Variants in DLG2 observed in about 807,000 individuals in gnomAD.
The protein encoded by DLG2 is disks large homolog 2.
In DLG2, 45 loss-of-function variants were observed where a neutral mutation model predicts 132.5. The observed-to-expected ratio is 0.34, with a 90% CI of 0.27 to 0.44. DLG2 has a LOEUF of 0.44. Among genes scored for constraint, DLG2 ranks in the 20% least tolerant of loss-of-function variants. The pLI is 1.00. For synonymous variants in DLG2, 424 were observed against 419.6 expected, an observed-to-expected ratio of 1.01 and a Z score of -0.13; for missense variants, 1,045 against 1,196.9, an observed-to-expected ratio of 0.87 and a Z score of 1.87.
intron 7 of DLG2, among the ~76,000 whole-genome samples, chr11:84,350,762 C>A (rs925600486): frequency 6.6e-6 from 1 of 152,064 alleles, no homozygotes; most frequent in Non-Finnish European, 1.5e-5. Flanking sequence ...TCTATTATTC[C>A]TTTTCACTTT....
chr11:84,559,134 G>A (rs545276317), intron 6 of DLG2, among the ~76,000 whole-genome samples: 6 of 152,206 alleles, frequency 3.9e-5, no homozygotes, highest in African/African-American at 1.4e-4. Context: ...TTGTATGAAG[G>A]CAAATATTTA....
At chr11:85,206,335 A>G (rs1324893846) in intron 4 of DLG2, among the ~76,000 whole-genome samples, 2 of 152,188 alleles carry the variant, frequency 1.3e-5, no homozygotes, top group East Asian at 1.9e-4. Context: ...AAATGCAAGA[A>G]CAGACTAATA....
intron 6 of DLG2, among the ~76,000 whole-genome samples, chr11:84,905,586 A>T (rs2091410902): frequency 6.6e-6 from 1 of 152,234 alleles, no homozygotes; most frequent in South Asian, 2.1e-4. Context: ...AAACTCCTGT[A>T]ACCACCACTC....
intron 4 of DLG2, among the ~76,000 whole-genome samples, chr11:85,163,561 A>G (rs946545424): frequency 3.5e-4 from 54 of 152,314 alleles, no homozygotes; most frequent in African/African-American, 1.2e-3. Context: ...GGAGTATTCA[A>G]TCTAATAGAA....
chr11:83,627,015 G>A (rs1312346239), intron 19 of DLG2, among the ~76,000 whole-genome samples: 2 of 152,088 alleles, frequency 1.3e-5, no homozygotes, highest in African/African-American at 4.8e-5. Flanking sequence ...TCTCACTGCT[G>A]AGAAAACAGC....
At chr11:83,690,196 G>A (rs1013478495) in intron 18 of DLG2, among the ~76,000 whole-genome samples, 1 of 150,728 alleles carries the variant, frequency 6.6e-6, no homozygotes, top group Non-Finnish European at 1.5e-5. Context: ...CCACTGGGGT[G>A]CGTATAATCA....
At chr11:85,424,492 C>T (rs1398341127) in intron 3 of DLG2, among the ~76,000 whole-genome samples, 1 of 152,194 alleles carries the variant, frequency 6.6e-6, no homozygotes, top group Non-Finnish European at 1.5e-5. Context: ...TAAGACAACC[C>T]TGAAACCCAG....
intron 3 of DLG2, chr11:85,453,484 C>A (rs774352271): frequency 8.3e-5 from 13 of 156,456 alleles, no homozygotes; most frequent in South Asian, 1.9e-4. Context: ...ATCCCACTTT[C>A]CTTCATCAAT....
chr11:84,946,026 C>CT (rs1263423042), intron 6 of DLG2, among the ~76,000 whole-genome samples: 1 of 152,104 alleles, frequency 6.6e-6, no homozygotes, highest in African/African-American at 2.4e-5. Context: ...TGTCTGGCTA[C>CT]TTCCAATGTT....
intron 8 of DLG2, among the ~76,000 whole-genome samples, chr11:84,230,591 A>G (rs2097078058): frequency 6.6e-6 from 1 of 152,212 alleles, no homozygotes; most frequent in South Asian, 2.1e-4. Flanking sequence ...CAGTATGTTC[A>G]AGGAGCTTAT....
intron 16 of DLG2, among the ~76,000 whole-genome samples, chr11:83,858,332 T>G (rs562607346): frequency 3.9e-5 from 6 of 152,318 alleles, no homozygotes; most frequent in African/African-American, 9.6e-5. Context: ...CTTCCCATTA[T>G]TTCTCCACTG....
intron 18 of DLG2, chr11:83,724,756 G>A (rs1033789164): frequency 1.5e-6 from 1 of 670,976 alleles, no homozygotes; most frequent in Middle Eastern, 2.4e-4. Context: ...AGGAAGGAAA[G>A]GGAGGAGAAT....
At chr11:85,558,015 C>A (rs1487112073) in intron 3 of DLG2, among the ~76,000 whole-genome samples, 1 of 151,844 alleles carries the variant, frequency 6.6e-6, no homozygotes, top group South Asian at 2.1e-4. Context: ...ACAGAGTAAA[C>A]AGACAACCTA....
At position 84,854,085 on chromosome 11, in the gene DLG2, T is replaced by C. The variant is rs78821690; in HGVS notation, c.357+257576A>G. ...TGGGGATTAACTAAGCCATTGCTTA[T>C]ATGTTGACAGGATGAGGTGAATTGG... On this transcript the variant is annotated intron_variant, in intron 6 of 27. Coordinates refer to ENST00000376104, the MANE Select transcript of DLG2 (RefSeq NM_001142699.3). 7.2e-3 allele frequency among the ~76,000 whole-genome samples: 1,098 copies of C among 152,072 alleles called. 15 individuals carry two copies. Among genetic ancestry groups the C allele is most frequent in the African/African-American group, 0.025 (1,055 of 41,524 alleles).
At chr11:84,351,113 A>T (rs2098565766) in intron 7 of DLG2, among the ~76,000 whole-genome samples, 1 of 151,466 alleles carries the variant, frequency 6.6e-6, no homozygotes, top group East Asian at 1.9e-4. Context: ...CAGGAAAAAT[A>T]TGTTTCTCCA....
chr11:85,542,796 T>C (rs2076056938), intron 3 of DLG2, among the ~76,000 whole-genome samples: 2 of 152,182 alleles, frequency 1.3e-5, no homozygotes, highest in Admixed American at 1.3e-4. Flanking sequence ...AAAGTAAAAG[T>C]CAGTCCTAGC....
At chr11:84,281,233 T>C (rs892242402) in intron 7 of DLG2, among the ~76,000 whole-genome samples, 5 of 152,232 alleles carry the variant, frequency 3.3e-5, no homozygotes, top group Admixed American at 6.5e-5. Flanking sequence ...AAGATCTTTA[T>C]GACCTTGGGT....
At chr11:83,992,832 A>C (rs1452843190) in intron 11 of DLG2, among the ~76,000 whole-genome samples, 1 of 152,154 alleles carries the variant, frequency 6.6e-6, no homozygotes, top group Non-Finnish European at 1.5e-5. Context: ...CTCATCTTCC[A>C]TTTACTCTGG....
chr11:84,982,024 C>T (rs2055827685), intron 6 of DLG2, among the ~76,000 whole-genome samples: 1 of 152,118 alleles, frequency 6.6e-6, no homozygotes, highest in Non-Finnish European at 1.5e-5. Flanking sequence ...ATACTTTCTA[C>T]ATTTTTACCC....
Sources: gnomAD v4.1 joint callset for allele counts (sites outside exome capture counted in the v4.1 genomes callset) on GRCh38, gnomAD v4.1.1 for gene constraint, MANE v1.5 for transcripts, NCBI Gene and HGNC (gene_info 2026-07-23, HGNC 2026-07-21) for gene names.